UGT2A1: variants seen among roughly 807,000 people sequenced by gnomAD.
The protein encoded by UGT2A1 is UDP glucuronosyltransferase family 2 member A1 complex locus.
UGT2A1 carries 61 observed loss-of-function variants against 45.4 expected under a neutral mutation model. The observed-to-expected ratio is 1.34, with a 90% CI of 1.09 to 1.66. UGT2A1 has a LOEUF of 1.66. Among genes scored for constraint, UGT2A1 ranks in the 40% most tolerant of loss-of-function variants. The pLI is 0.00. For synonymous variants in UGT2A1, 229 were observed against 196.2 expected (o/e 1.17, Z -1.40); for missense variants, 649 against 574.3 (o/e 1.13, Z -1.33).
At chr4:69,631,018 G>A (rs928371934) in intron 3 of UGT2A1, among the ~76,000 whole-genome samples, 7 of 152,106 alleles carry the variant, frequency 4.6e-5, no homozygotes, top group African/African-American at 1.2e-4. Context: ...CAGCTCTCTA[G>A]ATATGAAATC....
intron 2 of UGT2A1, among the ~76,000 whole-genome samples, chr4:69,646,726 T>C (rs1216812025): frequency 1.3e-5 from 2 of 151,850 alleles, no homozygotes; most frequent in Non-Finnish European, 2.9e-5. Context: ...AATTGATATA[T>C]TTAAGTCCAT....
intron 2 of UGT2A1, among the ~76,000 whole-genome samples, chr4:69,643,143 T>C (rs1462121204): frequency 6.6e-6 from 1 of 151,576 alleles, no homozygotes; most frequent in African/African-American, 2.4e-5. Flanking sequence ...AATCACATGA[T>C]GACCTACTCC....
chr4:69,636,295 G>A (rs1721707222), intron 2 of UGT2A1, among the ~76,000 whole-genome samples: 1 of 152,110 alleles, frequency 6.6e-6, no homozygotes, highest in South Asian at 2.1e-4. Flanking sequence ...TTGTGTATCT[G>A]CCCTCTTTCA....
chr4:69,630,465 C>T (rs1721320968), intron 3 of UGT2A1, among the ~76,000 whole-genome samples: 1 of 152,080 alleles, frequency 6.6e-6, no homozygotes, highest in Non-Finnish European at 1.5e-5. Flanking sequence ...CATCACTATT[C>T]CCTCTCCTTT....
At chr4:69,593,537 T>G (rs1010004771) in intron 6 of UGT2A1, among the ~76,000 whole-genome samples, 1 of 150,802 alleles carries the variant, frequency 6.6e-6, no homozygotes, top group Non-Finnish European at 1.5e-5. Flanking sequence ...ACACACACTA[T>G]CTACTAAGCT....
chr4:69,594,658 T>C lies in UGT2A1; in HGVS notation c.1123A>G (p.Thr375Ala). Reference sequence around the variant, plus strand: ...TAAATAGCTTCGTAGATCCCATTAGTTCCACCATGAGTGATAAAAGCTTTG... The same window carrying C: ...TAAATAGCTTCGTAGATCCCATTAGCTCCACCATGAGTGATAAAAGCTTTG... ...KTKAFITHGG[T>A]NGIYEAIYHG... Residue 375 changes from threonine to alanine, a missense_variant, in exon 6 of 7, where the codon ACT becomes GCT. Thr to Ala is a moderately conservative substitution (Grantham distance 58). Coordinates refer to ENST00000286604, the MANE Select transcript of UGT2A1 (RefSeq NM_001252275.3). The C allele has an allele frequency of 6.2e-7, 1 of 1,614,110 alleles. No individual in the cohort carries two copies. The highest frequency in any genetic ancestry group is 8.5e-7 in the Non-Finnish European group (1 of 1,180,004).
chr4:69,599,581 A>T (rs1560470073), intron 3 of UGT2A1, 187 bp from the exon 4 acceptor site: 3 of 832,440 alleles, frequency 3.6e-6, no homozygotes, highest in Non-Finnish European at 4.9e-6. Flanking sequence ...AGGAAGGAGG[A>T]AGGAAGAAAA....
At chr4:69,598,536 T>C (rs1719068180) in intron 4 of UGT2A1, among the ~76,000 whole-genome samples, 1 of 152,138 alleles carries the variant, frequency 6.6e-6, no homozygotes, top group Admixed American at 6.5e-5. Flanking sequence ...CATTTGTATC[T>C]CTCAGTTTTA....
intron 2 of UGT2A1, among the ~76,000 whole-genome samples, chr4:69,638,562 G>A (rs925724556): frequency 6.6e-6 from 1 of 152,104 alleles, no homozygotes. Context: ...GTATCACCTC[G>A]AAAATATTTG....
chr4:69,595,525 C>T (rs1191325223), intron 4 of UGT2A1, among the ~76,000 whole-genome samples: 1 of 152,086 alleles, frequency 6.6e-6, no homozygotes, highest in Non-Finnish European at 1.5e-5. Context: ...AGAACGTAAA[C>T]AGTACCAGTT....
chr4:69,613,439 C>G (rs576733285), intron 3 of UGT2A1, among the ~76,000 whole-genome samples: 12 of 152,014 alleles, frequency 7.9e-5, no homozygotes, highest in African/African-American at 2.9e-4. Flanking sequence ...TGAAACTATT[C>G]AAAACATGGT....
At position 69,602,452 on chromosome 4, in the gene UGT2A1, G is replaced by T. The variant is rs1359591008; in HGVS notation, c.848-3058C>A. Among the ~76,000 whole-genome samples the T allele has an allele frequency of 2.7e-5, 3 of 109,692 alleles. No individual in the cohort carries two copies. In the Admixed American group the frequency reaches 2.8e-4, roughly 10 times the overall value. The allele number at this position is 109,692 out of a possible 152,430, so 72.0% of individuals were successfully genotyped here. A position where few individuals can be genotyped will look rare whatever the true frequency, so the allele number is the denominator to read the frequency against. ...GAAAAACAATTTTTAGAATAACAAA[G>T]ATTTAGGAGTTTATCTATCTATCTA... On this transcript the variant is annotated intron_variant, in intron 3 of 6. Transcript: ENST00000286604.
chr4:69,640,256 A>G (rs1157379119), intron 2 of UGT2A1, among the ~76,000 whole-genome samples: 1 of 151,136 alleles, frequency 6.6e-6, no homozygotes. Flanking sequence ...CCGGGTAATT[A>G]TTCAGACCCT....
At chr4:69,609,949 T>A (rs1310468665) in intron 3 of UGT2A1, among the ~76,000 whole-genome samples, 1 of 152,174 alleles carries the variant, frequency 6.6e-6, no homozygotes, top group Non-Finnish European at 1.5e-5. Flanking sequence ...ATTCTACATA[T>A]GTGTTTGTAT....
intron 3 of UGT2A1, among the ~76,000 whole-genome samples, chr4:69,620,904 G>T (rs1214840028): frequency 6.6e-6 from 1 of 151,862 alleles, no homozygotes; most frequent in Non-Finnish European, 1.5e-5. Flanking sequence ...AATAAGAAAA[G>T]GATTCCCTAT....
intron 2 of UGT2A1, among the ~76,000 whole-genome samples, chr4:69,643,307 A>T (rs1722122860): frequency 6.6e-6 from 1 of 151,710 alleles, no homozygotes; most frequent in Admixed American, 6.6e-5. Context: ...AAATATTCTG[A>T]ACAGTTAATA....
At chr4:69,613,023 A>C (rs1720161368) in intron 3 of UGT2A1, among the ~76,000 whole-genome samples, 1 of 149,370 alleles carries the variant, frequency 6.7e-6, no homozygotes, top group African/African-American at 2.5e-5. Flanking sequence ...AAATTTAAAC[A>C]GGTCAACAAG....
intron 3 of UGT2A1, among the ~76,000 whole-genome samples, chr4:69,613,482 A>G (rs1341972073): frequency 1.3e-5 from 2 of 151,526 alleles, no homozygotes; most frequent in African/African-American, 4.8e-5. Context: ...TATTCCAACT[A>G]TGTTTGGAAT....
At chr4:69,618,737 G>A (rs1399468364) in intron 3 of UGT2A1, among the ~76,000 whole-genome samples, 1 of 151,892 alleles carries the variant, frequency 6.6e-6, no homozygotes, top group Non-Finnish European at 1.5e-5. Context: ...ATCAATCAAT[G>A]TAGAAAAGCC....
Sources: gnomAD v4.1 joint callset for allele counts (sites outside exome capture counted in the v4.1 genomes callset) on GRCh38, gnomAD v4.1.1 for gene constraint, MANE v1.5 for transcripts, NCBI Gene and HGNC (gene_info 2026-07-23, HGNC 2026-07-21) for gene names.